COL22A1: variants seen among roughly 807,000 people sequenced by gnomAD.
The protein encoded by COL22A1 is collagen alpha-1(XXII) chain.
COL22A1 carries 221 observed loss-of-function variants against 248.9 expected under a neutral mutation model. The ratio of observed to expected loss-of-function variants is 0.89; its 90% CI spans 0.80 to 0.99. The LOEUF (loss-of-function observed/expected upper bound fraction) is 0.99. COL22A1 is among the 50% of genes least tolerant of loss of function. The probability of loss-of-function intolerance (pLI) is 0.00; values close to 1 mark genes in which losing one functional copy is unlikely to be tolerated. For synonymous variants in COL22A1, 891 were observed against 793.4 expected (o/e 1.12, Z -2.07); for missense variants, 2,240 against 2,179.0 (o/e 1.03, Z -0.56).
At chr8:138,815,823 G>A (rs2131722824) in intron 7 of COL22A1, among the ~76,000 whole-genome samples, 1 of 152,212 alleles carries the variant, frequency 6.6e-6, no homozygotes, top group African/African-American at 2.4e-5. Flanking sequence ...AGTGGAGGGG[G>A]GAACGCTTAT....
chr8:138,768,110 G>A (rs1403912215), intron 16 of COL22A1, among the ~76,000 whole-genome samples: 4 of 152,112 alleles, frequency 2.6e-5, no homozygotes, highest in Admixed American at 2.0e-4. Flanking sequence ...CTGGCCCTCC[G>A]CCTCTGCCCT....
intron 32 of COL22A1, 145 bp from the exon 33 acceptor site, chr8:138,695,024 C>T (rs1406606736): frequency 7.3e-6 from 5 of 687,370 alleles, no homozygotes; most frequent in African/African-American, 3.6e-5. Context: ...GCTGTTCCCT[C>T]TGCCTGGGGG....
chr8:138,798,832 A>G (rs1318715772), intron 11 of COL22A1, among the ~76,000 whole-genome samples: 4 of 151,938 alleles, frequency 2.6e-5, no homozygotes, highest in African/African-American at 4.8e-5. Context: ...TTTTGTGTTT[A>G]TCTTAATTGG....
intron 16 of COL22A1, among the ~76,000 whole-genome samples, chr8:138,768,178 G>T (rs1178352783): frequency 1.3e-5 from 2 of 152,096 alleles, no homozygotes; most frequent in Non-Finnish European, 2.9e-5. Flanking sequence ...TCCATTTCTG[G>T]ACATCCTTCC....
At chr8:138,682,242 G>A (rs1826020825) in intron 39 of COL22A1, among the ~76,000 whole-genome samples, 1 of 148,410 alleles carries the variant, frequency 6.7e-6, no homozygotes, top group African/African-American at 2.5e-5. Context: ...TTCCAGAAGT[G>A]TTGAATCTTT....
intron 5 of COL22A1, 152 bp downstream of exon 5, chr8:138,832,887 T>G: frequency 1.7e-6 from 1 of 591,218 alleles, no homozygotes; most frequent in South Asian, 2.2e-5. Context: ...CCTGGTCCAG[T>G]GGTTCAGCTG....
intron 12 of COL22A1, among the ~76,000 whole-genome samples, chr8:138,786,150 C>T (rs1434047743): frequency 1.3e-5 from 2 of 152,108 alleles, no homozygotes; most frequent in East Asian, 3.9e-4. Context: ...ATTGGTCTTC[C>T]CAAGGACATG....
In COL22A1 at chr8:138,649,752, G is replaced by A. The variant is rs1822529786; in HGVS notation, c.3360C>T (p.Gly1120=). 6.2e-7 allele frequency: 1 copy of A among 1,603,172 alleles called. No individual in the cohort carries two copies. The highest frequency in any genetic ancestry group is 8.5e-7 in the Non-Finnish European group (1 of 1,175,654). ...CTGGTAGACCAGGGAGGCCTGGGGG[G>A]CCAGGAGGGCAGTCATTGCACACAT... is the stretch of plus-strand genomic sequence containing the variant. The part of the protein sequence containing the change: ...AKDVCNDCPP[G]PPGLPGLPGF... The change falls in exon 46 of 65, where the codon GGC becomes GGT. Residue 1120 remains glycine, a synonymous_variant. Coordinates refer to ENST00000303045, the MANE Select transcript of COL22A1 (RefSeq NM_152888.3).
chr8:138,699,259 T>C (rs1056444997), intron 32 of COL22A1, among the ~76,000 whole-genome samples: 4 of 151,974 alleles, frequency 2.6e-5, no homozygotes, highest in Middle Eastern at 3.4e-3. Flanking sequence ...GCAGTGATTT[T>C]AGCACCTGAC....
At chr8:138,761,105 C>T (rs1369128500) in intron 17 of COL22A1, among the ~76,000 whole-genome samples, 2 of 152,186 alleles carry the variant, frequency 1.3e-5, no homozygotes, top group Non-Finnish European at 2.9e-5. Context: ...AGATCTGTAA[C>T]CCCACTGCCT....
intron 17 of COL22A1, 83 bp downstream of exon 17, chr8:138,762,330 T>A: frequency 1.7e-5 from 23 of 1,389,860 alleles, no homozygotes; most frequent in Non-Finnish European, 2.2e-5. Context: ...GCTGAGGCTC[T>A]GTGGAGCTTT....
intron 32 of COL22A1, among the ~76,000 whole-genome samples, chr8:138,695,174 C>G (rs1827408297): frequency 6.6e-6 from 1 of 152,208 alleles, no homozygotes; most frequent in South Asian, 2.1e-4. Flanking sequence ...TCCTCCTGAG[C>G]CCTGTTATGG....
intron 51 of COL22A1, 121 bp from the exon 52 acceptor site, chr8:138,623,906 T>C (rs771256326): frequency 6.6e-6 from 5 of 753,370 alleles, no homozygotes; most frequent in African/African-American, 1.8e-5. Context: ...AGTTGGCAGC[T>C]AAGGCAGTGT....
chr8:138,589,686 C>T (rs1194321890), intron 64 of COL22A1, among the ~76,000 whole-genome samples: 1 of 152,112 alleles, frequency 6.6e-6, no homozygotes, highest in East Asian at 1.9e-4. Context: ...AATCCAGGTA[C>T]CACTGGAGAG....
At chr8:138,764,403 G>T (rs1008092223) in intron 16 of COL22A1, among the ~76,000 whole-genome samples, 1 of 152,218 alleles carries the variant, frequency 6.6e-6, no homozygotes, top group African/African-American at 2.4e-5. Flanking sequence ...AGGGAATGGG[G>T]CAGGGGCTGC....
At chr8:138,647,529 C>T (rs1380930321) in intron 46 of COL22A1, among the ~76,000 whole-genome samples, 1 of 152,146 alleles carries the variant, frequency 6.6e-6, no homozygotes, top group East Asian at 1.9e-4. Context: ...CGTGTTTGTG[C>T]TTTACAAATA....
chr8:138,735,090 G>A (rs962499835), intron 23 of COL22A1, among the ~76,000 whole-genome samples: 5 of 152,212 alleles, frequency 3.3e-5, no homozygotes, highest in South Asian at 2.1e-4. Flanking sequence ...CCTAGATGAC[G>A]GGTTGATAGG....
At position 138,715,682 on chromosome 8, in the gene COL22A1, C is replaced by A. The variant is rs1325231035; in HGVS notation, c.2517G>T (p.Lys839Asn). The change falls in exon 30 of 65, where the codon AAG becomes AAT. Residue 839 changes from lysine (K) to asparagine (N), a missense_variant and splice_region_variant. Physicochemically the swap from Lys to Asn is moderately conservative, Grantham distance 94. Coordinates refer to ENST00000303045, the MANE Select transcript of COL22A1 (RefSeq NM_152888.3). ...LPGLKGDRGEKGEAGPAGPPG... is the reference protein window; with the variant it reads ...LPGLKGDRGENGEAGPAGPPG... ...CAGAATGAGAGCAAGTTTCTCCTAC[C>A]TTTTCACCTCGGTCACCTTTCAGTC... The A allele has an allele frequency of 1.2e-6, 2 of 1,609,822 alleles. No homozygotes were observed. The highest frequency in any genetic ancestry group is 1.7e-6 in the Non-Finnish European group (2 of 1,177,758).
At chr8:138,885,907 C>T (rs976167443) in intron 1 of COL22A1, among the ~76,000 whole-genome samples, 3 of 152,180 alleles carry the variant, frequency 2.0e-5, no homozygotes, top group African/African-American at 7.2e-5. Flanking sequence ...TTTCTTCAAA[C>T]AGATTTATGG....
Sources: allele counts gnomAD v4.1 joint callset (sites outside exome capture counted in the v4.1 genomes callset), GRCh38; gene constraint gnomAD v4.1.1; transcripts MANE v1.5; gene names NCBI Gene and HGNC (gene_info 2026-07-23, HGNC 2026-07-21).